Variants in FLNC observed in about 807,000 individuals in gnomAD.
FLNC encodes filamin-C.
Under a neutral mutation model 254.3 loss-of-function variants are expected in FLNC, and 91 were observed. The ratio of observed to expected loss-of-function variants is 0.36; its 90% CI spans 0.30 to 0.43. The LOEUF is 0.43. Ranked by LOEUF, FLNC falls within the 20% of genes least tolerant of loss-of-function variation. The probability of loss-of-function intolerance (pLI) is 1.00; values close to 1 mark genes in which losing one functional copy is unlikely to be tolerated. For missense variants in FLNC, 2,853 were observed against 3,802.6 expected, an observed-to-expected ratio of 0.75 and a Z score of 6.57; for synonymous variants, 1,430 against 1,577.2, an observed-to-expected ratio of 0.91 and a Z score of 2.21.
At chr7:128,831,742 G>A (rs1457016241) in intron 1 of FLNC, among the ~76,000 whole-genome samples, 1 of 152,154 alleles carries the variant, frequency 6.6e-6, no homozygotes, top group African/African-American at 2.4e-5. Context: ...CGGGGAGGGA[G>A]GGAAAGGCCT....
In FLNC at chr7:128,852,731, C is replaced by T. The variant is rs1303027892; in HGVS notation, c.5983C>T (p.Arg1995Cys). The T allele has an allele frequency of 1.9e-6, 3 of 1,613,114 alleles. No homozygotes were observed. Among genetic ancestry groups the T allele is most frequent in the African/African-American group, 1.3e-5 (1 of 75,050 alleles). Residue 1995 changes from arginine to cysteine, a missense_variant, in exon 36 of 48, where the codon CGC (arginine) becomes TGC (cysteine). By Grantham distance (180) the Arg-to-Cys change is radical. Coordinates refer to ENST00000325888, the MANE Select transcript of FLNC (RefSeq NM_001458.5). ...SGNEEPCLLK[R>C]LPNRHIGISF... ...CAACGAGGAGCCCTGCCTGCTGAAGCGCCTGCCCAACCGGCACATTGGTGA... is the reference window on the plus strand; with the variant it reads ...CAACGAGGAGCCCTGCCTGCTGAAGTGCCTGCCCAACCGGCACATTGGTGA...
Position 128,853,459 on chromosome 7 carries a change from T to G in FLNC, c.6209-10T>G, listed in dbSNP as rs377551753. 7 of 1,613,782 alleles carry G rather than the reference T, an allele frequency of 4.3e-6. No individual in the cohort carries two copies. Among genetic ancestry groups the G allele is most frequent in the Admixed American group, 1.7e-5 (1 of 60,004 alleles). ...GGACTGAGGGAGATGTGTTCCTTGC[T>G]TTCCCCCAGGTTATGGGGGCTTGGG... On this transcript the variant is annotated splice_polypyrimidine_tract_variant and intron_variant, in intron 37 of 47. Coordinates refer to ENST00000325888, the MANE Select transcript of FLNC (RefSeq NM_001458.5).
At position 128,840,688 on chromosome 7, in the gene FLNC, G is replaced by GC. The variant is rs751788846; in HGVS notation, c.1676+20dup. ...CATCCCTCGCAGGTGAGTACCTTGCGCCCCCCATGCTGTCCTGTCTAGGCC... is the reference window on the plus strand; with the variant it reads ...CATCCCTCGCAGGTGAGTACCTTGCGCCCCCCCATGCTGTCCTGTCTAGGCC... On this transcript the variant is annotated intron_variant, in intron 10 of 47. Transcript: ENST00000325888. 3.1e-6 allele frequency: 5 copies of GC among 1,612,554 alleles called. No individual in the cohort carries two copies. Among genetic ancestry groups the GC allele is most frequent in the African/African-American group, 2.7e-5 (2 of 74,666 alleles).
At position 128,857,050 on chromosome 7, in the gene FLNC, G is replaced by A; in HGVS notation, c.7562-68G>A. On this transcript the variant is annotated intron_variant, in intron 45 of 47. Transcript: ENST00000325888. The surrounding 1 kb of genome is among the most constrained non-coding windows in gnomAD (Gnocchi z 4.5). ...AGTCCCCACAGAGGCTGTCCAGGGA[G>A]CTGGGGCCCAGTCCCTCTTGGGCCA... 1.3e-6 allele frequency: 2 copies of A among 1,573,170 alleles called. No individual in the cohort carries two copies. The highest frequency in any genetic ancestry group is 1.7e-6 in the Non-Finnish European group (2 of 1,144,244).
Position 128,838,674 on chromosome 7 carries a change from C to G in FLNC, c.1282C>G (p.Leu428Val), listed in dbSNP as rs1585154042. ...CCGGCGGGACACAGTGGAGGTGGCCCTGGAGGACAAGGGTGACAGCACGTT... is the reference window on the plus strand; with the variant it reads ...CCGGCGGGACACAGTGGAGGTGGCCGTGGAGGACAAGGGTGACAGCACGTT... ...QGRRDTVEVA[L>V]EDKGDSTFRC... Residue 428 changes from leucine (L) to valine (V), a missense_variant, in exon 8 of 48, where the codon CTG becomes GTG. Physicochemically the swap from Leu to Val is conservative, Grantham distance 32 (BLOSUM62 1). This residue lies in a region of FLNC where 1,573 missense variants were observed against 1,883.5 expected (regional missense o/e 0.84). Coordinates refer to ENST00000325888, the MANE Select transcript of FLNC (RefSeq NM_001458.5). 3 of 1,613,086 alleles carry G rather than the reference C, an allele frequency of 1.9e-6. No individual in the cohort carries two copies. The highest frequency in any genetic ancestry group is 2.5e-6 in the Non-Finnish European group (3 of 1,180,010).
rs1808866614 is a variant in FLNC at position 128,852,597 on chromosome 7, A to G, written c.5849A>G (p.Asp1950Gly). 3 of 1,613,010 alleles carry G rather than the reference A, an allele frequency of 1.9e-6. No homozygotes were observed. The highest frequency in any genetic ancestry group is 2.5e-6 in the Non-Finnish European group (3 of 1,179,954). The change falls in exon 36 of 48, where the codon GAC (aspartate) becomes GGC (glycine). Residue 1950 changes from aspartate to glycine, a missense_variant. Asp to Gly is a moderately conservative substitution (Grantham distance 94). Transcript: ENST00000325888. ...GCCCCAACTCCCCCACCAGGTGATG[A>G]CTCCATGAGGACCTCACAGCTGAAT... is the stretch of plus-strand genomic sequence containing the variant. ...SPFTAKITGD[D>G]SMRTSQLNVG...
rs554570268 is a variant in FLNC at position 128,841,309 on chromosome 7, C to T, written c.1953C>T (p.Asp651=). The change falls in exon 12 of 48, where the codon GAC becomes GAT. Residue 651 remains aspartate, a synonymous_variant. Coordinates refer to ENST00000325888, the MANE Select transcript of FLNC (RefSeq NM_001458.5). This position sits in a 1 kb window ranked among gnomAD's most constrained non-coding sequence, Gnocchi z 4.3. ...HVICDDEDIR[D]SPFIAHILPA... ...TCTGTGACGATGAGGACATCCGAGA[C>T]TCACCCTTCATTGCCCACATCCTGC... 138 of 1,614,084 alleles carry T rather than the reference C, an allele frequency of 8.5e-5. 2 individuals carry two copies. In the South Asian group the frequency reaches 1.1e-3, roughly 13 times the overall value.
At position 128,837,540 on chromosome 7, in the gene FLNC, A is replaced by G. The variant is rs1202164075; in HGVS notation, c.842A>G (p.Tyr281Cys). ...CTGAACCCCAAGAAAGCCATCGCCT[A>G]TGGGCCTGGTATGTGTGAGCCCCTG... ...KQLNPKKAIA[Y>C]GPGIEPQGNT... Residue 281 changes from tyrosine (Y) to cysteine (C), a missense_variant, in exon 4 of 48, where the codon TAT becomes TGT. Tyr to Cys is a radical substitution (Grantham distance 194). Coordinates refer to ENST00000325888, the MANE Select transcript of FLNC (RefSeq NM_001458.5). 11 of 1,614,016 alleles carry G rather than the reference A, an allele frequency of 6.8e-6. No individual in the cohort carries two copies. The highest frequency in any genetic ancestry group is 2.7e-5 in the African/African-American group (2 of 74,926).
rs1809137029 is a variant in FLNC, at chr7:128,857,917, C to T, written c.7781-91C>T. The T allele has an allele frequency of 1.1e-6, 1 of 912,356 alleles. No individual in the cohort carries two copies. Among genetic ancestry groups the T allele is most frequent in the African/African-American group, 1.6e-5 (1 of 60,736 alleles). 56.5% of individuals were successfully genotyped at this position (912,356 alleles called of 1,614,324 possible). ...CCTCAAATGCAGGCAGTGAGTCCCA[C>T]AGGGTGGCAGTGCTGGCCGAGGGTC... On this transcript the variant is annotated intron_variant, in intron 46 of 47. Transcript: ENST00000325888. This position sits in a 1 kb window ranked among gnomAD's most constrained non-coding sequence, Gnocchi z 4.5.
Position 128,841,420 on chromosome 7 carries a change from C to G in FLNC, c.2008-34C>G. The G allele has an allele frequency of 6.2e-7, 1 of 1,612,250 alleles. No individual in the cohort carries two copies. Among genetic ancestry groups the G allele is most frequent in the Non-Finnish European group, 8.5e-7 (1 of 1,178,350 alleles). On this transcript the variant is annotated intron_variant, in intron 12 of 47. Transcript: ENST00000325888. The surrounding 1 kb of genome is among the most constrained non-coding windows in gnomAD (Gnocchi z 4.3). Reference sequence around the variant, plus strand: ...GGGGTGGGGCAAGCTGGTTCTCCTCCCCTCCCCAACTCAGCCTTCTTCCCT... The same window carrying G: ...GGGGTGGGGCAAGCTGGTTCTCCTCGCCTCCCCAACTCAGCCTTCTTCCCT...
At position 128,857,351 on chromosome 7, in the gene FLNC, G is replaced by A; in HGVS notation, c.7780+15G>A. The A allele has an allele frequency of 6.2e-7, 1 of 1,601,402 alleles. No homozygotes were observed. The highest frequency in any genetic ancestry group is 8.5e-7 in the Non-Finnish European group (1 of 1,170,324). On this transcript the variant is annotated intron_variant, in intron 46 of 47. Coordinates refer to ENST00000325888, the MANE Select transcript of FLNC (RefSeq NM_001458.5). This position sits in a 1 kb window ranked among gnomAD's most constrained non-coding sequence, Gnocchi z 4.5. ...CAAGGTCACTGGTGAGTGCCAGTTT[G>A]GGGGAGGTCCACCCAGCCTGCAGCC...
rs1459602663 is a variant in FLNC, at chr7:128,846,475, C to G, written c.4127+12C>G. ...ACTGTGGAGACCAGGTATCCTCCCCCTTTGCTAGCCTAAATCTGTGACCAC... is the reference window on the plus strand; with the variant it reads ...ACTGTGGAGACCAGGTATCCTCCCCGTTTGCTAGCCTAAATCTGTGACCAC... On this transcript the variant is annotated intron_variant, in intron 23 of 47. Coordinates refer to ENST00000325888, the MANE Select transcript of FLNC (RefSeq NM_001458.5). 1 of 1,599,976 alleles carries G rather than the reference C, an allele frequency of 6.3e-7. No homozygotes were observed. The highest frequency in any genetic ancestry group is 2.2e-5 in the East Asian group (1 of 44,888).
Position 128,846,092 on chromosome 7 carries a change from C to T in FLNC, c.3893C>T (p.Ala1298Val), listed in dbSNP as rs1064796931. The T allele has an allele frequency of 1.4e-5, 23 of 1,613,814 alleles. No homozygotes were observed. The highest frequency in any genetic ancestry group is 1.9e-5 in the Non-Finnish European group (23 of 1,180,000). The change falls in exon 22 of 48, where the codon GCC becomes GTC. Residue 1298 changes from alanine (A) to valine (V), a missense_variant. By Grantham distance (64) the Ala-to-Val change is moderately conservative. Transcript: ENST00000325888. ...GCTCGTGTGCTCAACCCCTCGGGGG[C>T]CAAGACAGACACCTATGTGACAGAC... is the stretch of plus-strand genomic sequence containing the variant. ...VTARVLNPSGAKTDTYVTDNG... is the reference protein window; with the variant it reads ...VTARVLNPSGVKTDTYVTDNG...
chr7:128,851,197 T>A, intron 33 of FLNC, 35 bp from the exon 34 acceptor site: 2 of 1,613,626 alleles, frequency 1.2e-6, no homozygotes, highest in Non-Finnish European at 1.7e-6. Context: ...TAATCCCTGA[T>A]GCTGACCCAG....
Position 128,840,159 on chromosome 7 carries a change from A to G in FLNC, c.1548A>G (p.Pro516=). The G allele has an allele frequency of 6.2e-7, 1 of 1,613,754 alleles. No homozygotes were observed. The highest frequency in any genetic ancestry group is 8.5e-7 in the Non-Finnish European group (1 of 1,179,992). Residue 516 remains proline, a splice_region_variant and synonymous_variant, in exon 9 of 48, where the codon CCA becomes CCG. Coordinates refer to ENST00000325888, the MANE Select transcript of FLNC (RefSeq NM_001458.5). The stretch of plus-strand genomic sequence containing the variant: ...AGCTCAAGGTCACGGTCAAGGGGCC[A>G]AGTGAGTGCCAGAGCCCAGGGTCGT... ...SGELKVTVKG[P]KGTEEPVKVR... is the part of the protein sequence containing the mutation.
Position 128,835,224 on chromosome 7 carries a change from C to G in FLNC, c.353-102C>G, listed in dbSNP as rs1215385318. ...AGGTAGGCAGAGACTAGAGGCCTGA[C>G]CCCAGAGCTCTGGCCCGAGGAGCTG... On this transcript the variant is annotated intron_variant, in intron 1 of 47. Coordinates refer to ENST00000325888, the MANE Select transcript of FLNC (RefSeq NM_001458.5). This position sits in a 1 kb window ranked among gnomAD's most constrained non-coding sequence, Gnocchi z 5.3. 1 of 1,516,352 alleles carries G rather than the reference C, an allele frequency of 6.6e-7. No individual in the cohort carries two copies. Among genetic ancestry groups the G allele is most frequent in the East Asian group, 2.3e-5 (1 of 44,188 alleles). The allele number at this position is 1,516,352 out of a possible 1,614,324, so 93.9% of individuals were successfully genotyped here. A position where few individuals can be genotyped will look rare whatever the true frequency, so the allele number is the denominator to read the frequency against.
chr7:128,849,597 G>T lies in FLNC; in HGVS notation c.5199+19G>T, dbSNP rs778585252. 1 of 1,612,370 alleles carries T rather than the reference G, an allele frequency of 6.2e-7. No homozygotes were observed. Among genetic ancestry groups the T allele is most frequent in the Non-Finnish European group, 8.5e-7 (1 of 1,178,914 alleles). ...CGTGCTGGTAAGTTCTGTAGCCACA[G>T]CAAGACTAGATGGCTGGGGAGGGGG... On this transcript the variant is annotated intron_variant, in intron 30 of 47. Transcript: ENST00000325888.
Position 128,844,210 on chromosome 7 carries a change from C to G in FLNC, c.3136C>G (p.Pro1046Ala), listed in dbSNP as rs749099313. 1 of 1,612,382 alleles carries G rather than the reference C, an allele frequency of 6.2e-7. No homozygotes were observed. Among genetic ancestry groups the G allele is most frequent in the African/African-American group, 1.3e-5 (1 of 75,040 alleles). Reference sequence around the variant, plus strand: ...GGTGGATATCACCTACGATGGTCACCCGGTGCCTGGCAGCCCGTTTGCTGT... The same window carrying G: ...GGTGGATATCACCTACGATGGTCACGCGGTGCCTGGCAGCCCGTTTGCTGT... ...YKVDITYDGH[P>A]VPGSPFAVEG... Residue 1046 changes from proline to alanine, a missense_variant, in exon 20 of 48, where the codon CCG becomes GCG. By Grantham distance (27) the Pro-to-Ala change is conservative (BLOSUM62 -1). This residue lies in a region of FLNC where 1,573 missense variants were observed against 1,883.5 expected (regional missense o/e 0.84). Coordinates refer to ENST00000325888, the MANE Select transcript of FLNC (RefSeq NM_001458.5).
chr7:128,842,675 T>C lies in FLNC; in HGVS notation c.2366T>C (p.Val789Ala). The change falls in exon 15 of 48, where the codon GTG (valine) becomes GCG (alanine). Residue 789 changes from valine (V) to alanine (A), a missense_variant. Val to Ala is a moderately conservative substitution (Grantham distance 64). Coordinates refer to ENST00000325888, the MANE Select transcript of FLNC (RefSeq NM_001458.5). The surrounding 1 kb of genome is among the most constrained non-coding windows in gnomAD (Gnocchi z 5.4). ...LKANEPTYFT[V>A]DCSEAGQGDV... ...GCCAATGAGCCCACCTACTTCACGG[T>C]GGACTGCAGCGAGGCGGGGCAAGGT... 6.4e-7 allele frequency: 1 copy of C among 1,550,876 alleles called. No individual in the cohort carries two copies. The highest frequency in any genetic ancestry group is 8.7e-7 in the Non-Finnish European group (1 of 1,147,888).
Sources: allele counts gnomAD v4.1 joint callset (sites outside exome capture counted in the v4.1 genomes callset), GRCh38; gene constraint gnomAD v4.1.1; regional missense constraint gnomAD v4.1.1; non-coding constraint Gnocchi (gnomAD v3.1); transcripts MANE v1.5; gene names NCBI Gene and HGNC (gene_info 2026-07-23, HGNC 2026-07-21).